The following UBE2D3 variants were observed in gnomAD, a reference collection of about 807,000 sequenced individuals.
UBE2D3 encodes the protein ubiquitin-conjugating enzyme E2 D3.
UBE2D3 carries 2 observed loss-of-function variants against 22.8 expected under a neutral mutation model. The ratio of observed to expected loss-of-function variants is 0.09; its 90% CI spans 0.04 to 0.28. The LOEUF is 0.28. Among genes scored for constraint, UBE2D3 ranks in the 10% least tolerant of loss-of-function variants. The probability of loss-of-function intolerance (pLI) is 1.00; values close to 1 mark genes in which losing one functional copy is unlikely to be tolerated. For synonymous variants in UBE2D3, 56 were observed against 60.4 expected (o/e 0.93, Z 0.34); for missense variants, 27 against 182.5 (o/e 0.15, Z 4.91).
intron 2 of UBE2D3, among the ~76,000 whole-genome samples, chr4:102,824,748 C>G (rs962980562): frequency 6.6e-6 from 1 of 152,218 alleles, no homozygotes; most frequent in Non-Finnish European, 1.5e-5. Context: ...TGGTACTATT[C>G]CACATTTTAG....
At chr4:102,798,894 T>C (rs759045634) in intron 7 of UBE2D3, 10 of 1,608,038 alleles carry the variant, frequency 6.2e-6, no homozygotes, top group Admixed American at 5.0e-5. Flanking sequence ...GGCAGTACCA[T>C]AATAAGCGCA....
intron 1 of UBE2D3, among the ~76,000 whole-genome samples, chr4:102,844,285 A>G (rs1388110777): frequency 6.6e-6 from 1 of 152,082 alleles, no homozygotes; most frequent in Non-Finnish European, 1.5e-5. Context: ...GCCATGTTAT[A>G]TAGGCTGGTC....
At chr4:102,825,145 T>A (rs1730258358) in intron 2 of UBE2D3, 1 of 602,306 alleles carries the variant, frequency 1.7e-6, no homozygotes. Flanking sequence ...AAATGTAGTA[T>A]CAGGTCTATT....
intron 2 of UBE2D3, chr4:102,825,555 A>G (rs937208344): frequency 8.4e-7 from 1 of 1,192,424 alleles, no homozygotes; most frequent in Non-Finnish European, 1.1e-6. Flanking sequence ...GATAGAAGTT[A>G]GAGCAAGAAA....
chr4:102,803,773 G>A (rs1726576483), intron 4 of UBE2D3, among the ~76,000 whole-genome samples: 1 of 152,136 alleles, frequency 6.6e-6, no homozygotes, highest in African/African-American at 2.4e-5. Flanking sequence ...AAATGGAAGA[G>A]CTTTTATTTA....
At chr4:102,829,029 CTT>C (rs1560878410), upstream of UBE2D3, among the ~76,000 whole-genome samples, 1 of 152,162 alleles carries the variant, frequency 6.6e-6, no homozygotes, top group Admixed American at 6.5e-5. Flanking sequence ...CTAATAAAAA[CTT>C]AACACGTCAA....
rs1725201193 is a variant in UBE2D3, at chr4:102,795,682, T to C, written c.*1733A>G. The C allele has an allele frequency of 6.6e-6, 1 of 152,106 alleles. No homozygotes were observed. Among genetic ancestry groups the C allele is most frequent in the African/African-American group, 2.4e-5 (1 of 41,458 alleles). 9.4% of individuals were successfully genotyped at this position (152,106 alleles called of 1,614,324 possible). Reference sequence around the variant, plus strand: ...TTAAGTCAATAAATCATGTCCAAACTACATATTAAAATGTTTATAAAAAGT... The same window carrying C: ...TTAAGTCAATAAATCATGTCCAAACCACATATTAAAATGTTTATAAAAAGT... On this transcript the variant is annotated 3_prime_UTR_variant, in exon 8 of 8. Coordinates refer to ENST00000453744, the MANE Select transcript of UBE2D3 (RefSeq NM_181891.3).
At chr4:102,838,713 A>G (rs1731561805) in intron 1 of UBE2D3, among the ~76,000 whole-genome samples, 1 of 149,848 alleles carries the variant, frequency 6.7e-6, no homozygotes, top group Admixed American at 6.7e-5. Flanking sequence ...ATAAGGGGGG[A>G]TACTAATACA....
At chr4:102,797,833 A>G (rs930533289) in intron 7 of UBE2D3, among the ~76,000 whole-genome samples, 6 of 151,982 alleles carry the variant, frequency 3.9e-5, no homozygotes, top group African/African-American at 1.4e-4. Context: ...CTATCTATCC[A>G]CAGAAATTTC....
chr4:102,828,353 G>GT (rs1730897958), upstream of UBE2D3, among the ~76,000 whole-genome samples: 1 of 152,106 alleles, frequency 6.6e-6, no homozygotes, highest in South Asian at 2.1e-4. Context: ...TCCTGGGCTG[G>GT]TTATGCTGTG....
At chr4:102,817,247 T>C (rs1728901654) in intron 2 of UBE2D3, among the ~76,000 whole-genome samples, 1 of 152,178 alleles carries the variant, frequency 6.6e-6, no homozygotes, top group Non-Finnish European at 1.5e-5. Context: ...CTTGATCTTT[T>C]AAAAGAGCCC....
At chr4:102,828,124 A>T (rs1035877967), upstream of UBE2D3, 2 of 985,330 alleles carry the variant, frequency 2.0e-6, no homozygotes, top group African/African-American at 3.5e-5. Flanking sequence ...CACTGCCAGG[A>T]AAGCAACGCC....
At chr4:102,808,367 T>C (rs1323852331) in intron 4 of UBE2D3, among the ~76,000 whole-genome samples, 3 of 152,222 alleles carry the variant, frequency 2.0e-5, no homozygotes, top group Non-Finnish European at 4.4e-5. Context: ...CCAAATTAGA[T>C]AAAAGTAAGT....
chr4:102,804,126 T>C (rs533341511), intron 4 of UBE2D3, among the ~76,000 whole-genome samples: 2 of 151,476 alleles, frequency 1.3e-5, no homozygotes, highest in East Asian at 3.9e-4. Context: ...TTTTTTTTTG[T>C]AGGGGTGGAG....
At chr4:102,827,107 C>T (rs1321210963) in intron 1 of UBE2D3, 12 of 986,664 alleles carry the variant, frequency 1.2e-5, no homozygotes, top group South Asian at 9.1e-5. Context: ...TTGCTATCCT[C>T]GCAGCGAGCT....
intron 1 of UBE2D3, chr4:102,827,009 C>G: frequency 1.0e-6 from 1 of 995,464 alleles, no homozygotes; most frequent in South Asian, 4.3e-5. Flanking sequence ...GCATAAGACT[C>G]CGGACGGACG....
intron 4 of UBE2D3, among the ~76,000 whole-genome samples, chr4:102,806,623 T>C (rs186979539): frequency 6.6e-6 from 1 of 152,336 alleles, no homozygotes; most frequent in Non-Finnish European, 1.5e-5. Flanking sequence ...GTTACATTTT[T>C]CAGATACTTT....
Position 102,795,612 on chromosome 4 carries a change from C to T in UBE2D3, c.*1803G>A, listed in dbSNP as rs1725194224. 6.6e-6 allele frequency: 1 copy of T among 152,074 alleles called. No individual in the cohort carries two copies. The highest frequency in any genetic ancestry group is 6.6e-5 in the Admixed American group (1 of 15,250). 9.4% of individuals were successfully genotyped at this position (152,074 alleles called of 1,614,324 possible). On this transcript the variant is annotated 3_prime_UTR_variant, in exon 8 of 8. Transcript: ENST00000453744. ...GATTACAGAATTAACAAAGCCAGAACATCTTCAGAAGGCATGCATTTCACT... is the reference window on the plus strand; with the variant it reads ...GATTACAGAATTAACAAAGCCAGAATATCTTCAGAAGGCATGCATTTCACT...
upstream of UBE2D3, among the ~76,000 whole-genome samples, chr4:102,830,235 T>C (rs1731047718): frequency 6.6e-6 from 1 of 152,138 alleles, no homozygotes; most frequent in Non-Finnish European, 1.5e-5. Context: ...GAGCCCACTT[T>C]ACAGTTGCAA....
Sources: allele counts gnomAD v4.1 joint callset (sites outside exome capture counted in the v4.1 genomes callset), GRCh38; gene constraint gnomAD v4.1.1; transcripts MANE v1.5; gene names NCBI Gene and HGNC (gene_info 2026-07-23, HGNC 2026-07-21).